The following RNF213 variants were observed in gnomAD, a reference collection of about 807,000 sequenced individuals.
The protein encoded by RNF213 is ring finger protein 213.
A neutral mutation model predicts 514.4 loss-of-function variants in RNF213; 341 were observed. That is an observed-to-expected ratio of 0.66 (90% CI 0.61 to 0.73). The LOEUF (loss-of-function observed/expected upper bound fraction) is 0.73, where lower values mean the gene tolerates loss of function less well. Among genes scored for constraint, RNF213 ranks in the 30% least tolerant of loss-of-function variants. The probability of loss-of-function intolerance (pLI) is 0.00; values close to 1 mark genes in which losing one functional copy is unlikely to be tolerated. For missense variants in RNF213, 5,767 were observed against 6,615.6 expected, an observed-to-expected ratio of 0.87 and a Z score of 4.45; for synonymous variants, 2,655 against 2,658.2, an observed-to-expected ratio of 1.00 and a Z score of 0.04.
intron 28 of RNF213, among the ~76,000 whole-genome samples, chr17:80,344,269 G>T (rs2078243293): frequency 6.6e-6 from 1 of 152,176 alleles, no homozygotes; most frequent in Non-Finnish European, 1.5e-5. Context: ...TGTATGCCCA[G>T]TCTGAATCCC....
rs533649676 is a variant in RNF213 at position 80,282,045 on chromosome 17, T to C, written c.262-5770T>C. Among the ~76,000 whole-genome samples, 7 of 151,926 alleles carry C rather than the reference T, an allele frequency of 4.6e-5. No individual in the cohort carries two copies. The South Asian group carries it at 1.5e-3, about 32-fold the overall frequency. ...CTAATTTTTGTATTTTTAGTAGAGA[T>C]GGGGTTTTGCCATGTTGGCTAGGCT... On this transcript the variant is annotated intron_variant, in intron 3 of 67. Transcript: ENST00000582970.
chr17:80,339,540 G>A lies in RNF213; in HGVS notation c.5173G>A (p.Ala1725Thr), dbSNP rs776175928. The A allele has an allele frequency of 2.4e-5, 37 of 1,537,050 alleles. No homozygotes were observed. Among genetic ancestry groups the A allele is most frequent in the Middle Eastern group, 1.7e-4 (1 of 6,012 alleles). The change falls in exon 26 of 68, where the codon GCC becomes ACC. Residue 1725 changes from alanine (A) to threonine (T), a missense_variant. Ala to Thr is a moderately conservative substitution (Grantham distance 58). Around this residue, in one of 13 missense-constraint regions of RNF213, gnomAD observed 1,377 missense variants for 1,635.2 expected, o/e 0.84. Coordinates refer to ENST00000582970, the MANE Select transcript of RNF213 (RefSeq NM_001256071.3). ...CAGGAAGCAGCCCCCGAGTGATGCC[G>A]CCCTAACGATGCTATCCTTCATCAA... ...ELRKQPPSDA[A>T]LTMLSFIKSN... is the part of the protein sequence containing the mutation.
At chr17:80,318,329 G>A (rs1482616902) in intron 16 of RNF213, among the ~76,000 whole-genome samples, 3 of 152,152 alleles carry the variant, frequency 2.0e-5, no homozygotes, top group African/African-American at 4.8e-5. Flanking sequence ...TTTTCGGCTC[G>A]AAGGTGGGGT....
Position 80,281,745 on chromosome 17 carries a change from G to C in RNF213, c.262-6070G>C, listed in dbSNP as rs570177394. Among the ~76,000 whole-genome samples the C allele has an allele frequency of 6.6e-5, 10 of 151,512 alleles. 1 individual carries two copies. Among genetic ancestry groups the C allele is most frequent in the Admixed American group, 6.6e-4 (10 of 15,172 alleles). On this transcript the variant is annotated intron_variant, in intron 3 of 67. Transcript: ENST00000582970. ...CAGTGGTCCCTTGTTGCCCACAGGG[G>C]GTCGGTTCCAGGACCGCGGAGGACG...
chr17:80,287,734 C>A, intron 3 of RNF213, 81 bp from the exon 4 acceptor site: 1 of 1,425,566 alleles, frequency 7.0e-7, no homozygotes, highest in Non-Finnish European at 9.9e-7. Context: ...AGTTGAGGAA[C>A]GGAAGAGAAA....
intron 32 of RNF213, 52 bp from the exon 33 acceptor site, chr17:80,352,888 C>G: frequency 6.2e-7 from 1 of 1,612,762 alleles, no homozygotes; most frequent in Non-Finnish European, 8.5e-7. Context: ...TAGGGCTGAG[C>G]AGCAGCCGGG....
Position 80,379,936 on chromosome 17 carries a change from C to T in RNF213, c.13640+222C>T, listed in dbSNP as rs2079919033. On this transcript the variant is annotated intron_variant, in intron 55 of 67. Coordinates refer to ENST00000582970, the MANE Select transcript of RNF213 (RefSeq NM_001256071.3). Reference sequence around the variant, plus strand: ...GGCCCTGAAATGCAAAGCAGGCTACCCTTTAACAGCTGTTAATATGAATAC... The same window carrying T: ...GGCCCTGAAATGCAAAGCAGGCTACTCTTTAACAGCTGTTAATATGAATAC... 3 of 574,362 alleles carry T rather than the reference C, an allele frequency of 5.2e-6. No individual in the cohort carries two copies. The Admixed American group carries it at 7.6e-5, about 15-fold the overall frequency. 35.6% of individuals were successfully genotyped at this position (574,362 alleles called of 1,614,324 possible).
chr17:80,326,795 G>A (rs1042183898), intron 18 of RNF213, among the ~76,000 whole-genome samples: 6 of 152,078 alleles, frequency 3.9e-5, no homozygotes, highest in Non-Finnish European at 5.9e-5. Flanking sequence ...TCGCTTACCC[G>A]TTCACCTCAT....
intron 19 of RNF213, 78 bp downstream of exon 19, chr17:80,328,067 A>G: frequency 6.7e-7 from 1 of 1,482,138 alleles, no homozygotes; most frequent in Non-Finnish European, 9.1e-7. Flanking sequence ...TTGCGTGTGC[A>G]TTTTTGTAAA....
rs1241105584 is a variant in RNF213 at position 80,314,881 on chromosome 17, T to A, written c.2811+1714T>A. ...GTGGTGGAGGTAATGGAGGTGATGGTGGTGGTGGAGGTGATGGTGGAGGTA... is the reference window on the plus strand; with the variant it reads ...GTGGTGGAGGTAATGGAGGTGATGGAGGTGGTGGAGGTGATGGTGGAGGTA... On this transcript the variant is annotated intron_variant, in intron 15 of 67. Coordinates refer to ENST00000582970, the MANE Select transcript of RNF213 (RefSeq NM_001256071.3). Among the ~76,000 whole-genome samples, 3 of 6,374 alleles carry A rather than the reference T, an allele frequency of 4.7e-4. 1 individual carries two copies. The highest frequency in any genetic ancestry group is 8.5e-4 in the Non-Finnish European group (3 of 3,518). 4.2% of individuals were successfully genotyped at this position (6,374 alleles called of 152,430 possible).
In RNF213 at chr17:80,347,182, A is replaced by G; in HGVS notation, c.8847A>G (p.Glu2949=). The G allele has an allele frequency of 6.2e-7, 1 of 1,613,860 alleles. No homozygotes were observed. Among genetic ancestry groups the G allele is most frequent in the East Asian group, 2.2e-5 (1 of 44,882 alleles). Residue 2949 remains glutamate (E), a synonymous_variant, in exon 29 of 68, where the codon GAA becomes GAG. Transcript: ENST00000582970. The surrounding 1 kb of genome is among the most constrained non-coding windows in gnomAD (Gnocchi z 7.2). ...YETVCKRQDK[E]FFGLRDYYSL... Reference sequence around the variant, plus strand: ...CGGTGTGTAAGCGCCAGGACAAGGAATTCTTCGGGCTTCGTGACTACTACA... The same window carrying G: ...CGGTGTGTAAGCGCCAGGACAAGGAGTTCTTCGGGCTTCGTGACTACTACA...
At position 80,339,372 on chromosome 17, in the gene RNF213, G is replaced by A; in HGVS notation, c.5005G>A (p.Val1669Ile). ...LVTELKEGGD[V>I]TELLAALCRQ... is the part of the protein sequence containing the mutation. ...GACGGAGCTTAAAGAAGGTGGAGAT[G>A]TCACTGAGCTGCTGGCAGCCCTCTG... Residue 1669 changes from valine to isoleucine, a missense_variant, in exon 26 of 68, where the codon GTC (valine) becomes ATC (isoleucine). This residue lies in a region of RNF213 where 1,377 missense variants were observed against 1,635.2 expected (regional missense o/e 0.84). Coordinates refer to ENST00000582970, the MANE Select transcript of RNF213 (RefSeq NM_001256071.3). 6.5e-7 allele frequency: 1 copy of A among 1,537,258 alleles called. No individual in the cohort carries two copies.
chr17:80,332,482 C>A lies in RNF213; in HGVS notation c.3994C>A (p.Gln1332Lys). Residue 1332 changes from glutamine (Q) to lysine (K), a missense_variant, in exon 21 of 68, where the codon CAA (glutamine) becomes AAA (lysine). Gln to Lys is a moderately conservative substitution (Grantham distance 53). Coordinates refer to ENST00000582970, the MANE Select transcript of RNF213 (RefSeq NM_001256071.3). ...CATGTGCACCGTGGACCACCAGGACCAAAGAGATTGGATCAAGGACCGAGT... is the reference window on the plus strand; with the variant it reads ...CATGTGCACCGTGGACCACCAGGACAAAAGAGATTGGATCAAGGACCGAGT... Reference protein sequence around the residue: ...KIMCTVDHQDQRDWIKDRVEQ... With the variant: ...KIMCTVDHQDKRDWIKDRVEQ... The A allele has an allele frequency of 6.5e-7, 1 of 1,537,050 alleles. No individual in the cohort carries two copies. Among genetic ancestry groups the A allele is most frequent in the East Asian group, 2.4e-5 (1 of 40,918 alleles).
At position 80,375,843 on chromosome 17, in the gene RNF213, C is replaced by T. The variant is rs777323261; in HGVS notation, c.13158C>T (p.His4386=). ...FREVAILYRS[H]NASLHPTPEQ... is the part of the protein sequence containing the mutation. Reference sequence around the variant, plus strand: ...AGGTGGCTATTTTGTACAGATCCCACAATGCAAGCCTCCACCCCACGCCAG... The same window carrying T: ...AGGTGGCTATTTTGTACAGATCCCATAATGCAAGCCTCCACCCCACGCCAG... The change falls in exon 51 of 68, where the codon CAC becomes CAT. Residue 4386 remains histidine, a synonymous_variant. Coordinates refer to ENST00000582970, the MANE Select transcript of RNF213 (RefSeq NM_001256071.3). 6.2e-7 allele frequency: 1 copy of T among 1,613,706 alleles called. No homozygotes were observed. Among genetic ancestry groups the T allele is most frequent in the East Asian group, 2.2e-5 (1 of 44,878 alleles).
At chr17:80,309,303 A>G (rs913118972) in intron 14 of RNF213, 132 bp downstream of exon 14, 1 of 1,084,550 alleles carries the variant, frequency 9.2e-7, no homozygotes, top group Admixed American at 1.9e-5. Flanking sequence ...AGCAGTGGAC[A>G]TTTCTTGTGC....
rs763423137 is a variant in RNF213 at position 80,376,968 on chromosome 17, G to A, written c.13510+5G>A. ...TGGAGCGAGTCCACTGGTACAGTAA[G>A]TGTTGGGGTCTAGATGACCCCACAC... On this transcript the variant is annotated splice_donor_5th_base_variant and intron_variant, in intron 53 of 67. Transcript: ENST00000582970. 2.4e-5 allele frequency: 39 copies of A among 1,611,524 alleles called. No individual in the cohort carries two copies. The highest frequency in any genetic ancestry group is 3.3e-5 in the Non-Finnish European group (39 of 1,177,888).
chr17:80,341,562 T>C (rs1485186355), intron 26 of RNF213: 1 of 152,078 alleles, frequency 6.6e-6, no homozygotes, highest in Non-Finnish European at 1.5e-5. Context: ...CACGGTCCCA[T>C]AAGATTAGAA....
rs780855200 is a variant in RNF213 at position 80,344,662 on chromosome 17, T to C, written c.6343-16T>C. The C allele has an allele frequency of 2.9e-5, 46 of 1,613,940 alleles. No homozygotes were observed. The Middle Eastern group carries it at 1.2e-3, about 40-fold the overall frequency. On this transcript the variant is annotated splice_polypyrimidine_tract_variant and intron_variant, in intron 28 of 67. Transcript: ENST00000582970. The stretch of plus-strand genomic sequence containing the variant: ...AGTCTTCTTGTAACCATTTCATTAA[T>C]GTCTCTCCTTTCCAGCGTACACGTG...
chr17:80,332,390 C>T lies in RNF213; in HGVS notation c.3902C>T (p.Ala1301Val). ...QDLKSGEVTL[A>V]EIDVIFKDFV... is the part of the protein sequence containing the mutation. ...CTAAAGTCAGGAGAGGTCACCCTTG[C>T]AGAGATTGATGTCATCTTCAAGGAC... The change falls in exon 21 of 68, where the codon GCA (alanine) becomes GTA (valine). Residue 1301 changes from alanine to valine, a missense_variant. Ala to Val is a moderately conservative substitution (Grantham distance 64). This residue lies in a region of RNF213 where 516 missense variants were observed against 566.5 expected (regional missense o/e 0.91). Transcript: ENST00000582970. 2 of 1,537,168 alleles carry T rather than the reference C, an allele frequency of 1.3e-6. No homozygotes were observed. The highest frequency in any genetic ancestry group is 1.7e-6 in the Non-Finnish European group (2 of 1,146,908).
Sources: allele counts gnomAD v4.1 joint callset (sites outside exome capture counted in the v4.1 genomes callset), GRCh38; gene constraint gnomAD v4.1.1; regional missense constraint gnomAD v4.1.1; non-coding constraint Gnocchi (gnomAD v3.1); transcripts MANE v1.5; gene names NCBI Gene and HGNC (gene_info 2026-07-23, HGNC 2026-07-21).